The following TUSC3 variants were observed in gnomAD, a reference collection of about 807,000 sequenced individuals.
TUSC3 encodes tumor suppressor candidate 3.
A neutral mutation model predicts 44.8 loss-of-function variants in TUSC3; 45 were observed. The observed-to-expected ratio is 1.00, with a 90% CI of 0.79 to 1.29. TUSC3 has a LOEUF of 1.29. Among genes scored for constraint, TUSC3 ranks in the 50% most tolerant of loss-of-function variants. The pLI, the probability that TUSC3 is intolerant of heterozygous loss-of-function variation, is 0.00. For missense variants in TUSC3, 519 were observed against 437.9 expected (o/e 1.19, Z -1.65); for synonymous variants, 212 against 152.9 (o/e 1.39, Z -2.85).
chr8:15,648,753 A>AAAAAAAAAAAC (rs1169677142), intron 2 of TUSC3, among the ~76,000 whole-genome samples: 1 of 148,072 alleles, frequency 6.8e-6, no homozygotes, highest in African/African-American at 2.5e-5. Flanking sequence ...AAAAAAAAAA[A>AAAAAAAAAAAC]AAAGACATCT....
At chr8:15,495,643 C>CT (rs1173285133) in intron 2 of TUSC3, among the ~76,000 whole-genome samples, 2 of 152,144 alleles carry the variant, frequency 1.3e-5, no homozygotes, top group African/African-American at 2.4e-5. Context: ...GCACAGCTCC[C>CT]TTTGGGGGGC....
chr8:15,473,512 C>T (rs1225167727), intron 1 of TUSC3, among the ~76,000 whole-genome samples: 1 of 152,142 alleles, frequency 6.6e-6, no homozygotes, highest in East Asian at 1.9e-4. Flanking sequence ...ATTGGGGGAA[C>T]CCACCCCCAC....
At chr8:15,637,206 A>G (rs1227647047) in intron 2 of TUSC3, among the ~76,000 whole-genome samples, 3 of 151,638 alleles carry the variant, frequency 2.0e-5, no homozygotes, top group Non-Finnish European at 4.4e-5. Flanking sequence ...CATATGTTTA[A>G]TATTTTAAAA....
chr8:15,514,233 G>T (rs1197981696), intron 2 of TUSC3, among the ~76,000 whole-genome samples: 1 of 152,182 alleles, frequency 6.6e-6, no homozygotes, highest in Non-Finnish European at 1.5e-5. Context: ...TGTATTATGA[G>T]TGAATGATGA....
At chr8:15,426,756 A>T (rs142388436) in intron 1 of TUSC3, among the ~76,000 whole-genome samples, 122 of 152,302 alleles carry the variant, frequency 8.0e-4, no homozygotes, top group African/African-American at 2.8e-3. Flanking sequence ...CAGAAGTGGG[A>T]TTGCTAGATA....
intron 2 of TUSC3, among the ~76,000 whole-genome samples, chr8:15,508,517 A>G (rs1381069356): frequency 8.5e-6 from 1 of 117,046 alleles, no homozygotes; most frequent in Non-Finnish European, 1.6e-5. Flanking sequence ...GCTGGAGTGC[A>G]GTGGCGCCAT....
rs376871161 is a variant in TUSC3, at chr8:15,750,883, T to C, written c.1028+2418T>C. ...TGTAAGAAGTCAGAGATGGAAATTATTTTTTAGAGTGGTTTGTGAATATGA... is the reference window on the plus strand; with the variant it reads ...TGTAAGAAGTCAGAGATGGAAATTACTTTTTAGAGTGGTTTGTGAATATGA... On this transcript the variant is annotated intron_variant, in intron 9 of 10. Coordinates refer to ENST00000503731, the MANE Select transcript of TUSC3 (RefSeq NM_006765.4). Among the ~76,000 whole-genome samples, 11 of 152,144 alleles carry C rather than the reference T, an allele frequency of 7.2e-5. No individual in the cohort carries two copies. The East Asian group carries it at 2.1e-3, about 29-fold the overall frequency.
At chr8:15,694,641 T>C (rs770987795) in intron 6 of TUSC3, among the ~76,000 whole-genome samples, 2 of 152,028 alleles carry the variant, frequency 1.3e-5, no homozygotes, top group African/African-American at 2.4e-5. Flanking sequence ...CTTGGGGCCT[T>C]GATTATGGTA....
At chr8:15,431,749 A>C (rs1191685113) in intron 1 of TUSC3, among the ~76,000 whole-genome samples, 1 of 151,558 alleles carries the variant, frequency 6.6e-6, no homozygotes, top group Non-Finnish European at 1.5e-5. Context: ...TCCTAATATT[A>C]CAGGAAATGA....
At chr8:15,436,709 C>A (rs1449684769) in intron 1 of TUSC3, among the ~76,000 whole-genome samples, 8 of 152,114 alleles carry the variant, frequency 5.3e-5, no homozygotes, top group Admixed American at 5.2e-4. Context: ...AAAAAATACA[C>A]ATTTCATAAG....
chr8:15,442,598 G>T (rs1800035705), intron 1 of TUSC3, among the ~76,000 whole-genome samples: 1 of 152,054 alleles, frequency 6.6e-6, no homozygotes. Context: ...ACTGATAAAT[G>T]CCTTACTCCT....
chr8:15,477,826 A>T lies in TUSC3; in HGVS notation n.92-5560A>T, dbSNP rs1461277058. On this transcript the variant is annotated intron_variant and non_coding_transcript_variant, in intron 1 of 5. Transcript: ENST00000503191. ...TTCTACATGTGATGGTATTGAATAGATTATGTCCTTGCTTTCCTGCTGTTT... is the reference window on the plus strand; with the variant it reads ...TTCTACATGTGATGGTATTGAATAGTTTATGTCCTTGCTTTCCTGCTGTTT... Among the ~76,000 whole-genome samples the T allele has an allele frequency of 2.0e-5, 3 of 152,252 alleles. No homozygotes were observed. The East Asian group carries it at 5.8e-4, about 29-fold the overall frequency.
chr8:15,595,441 G>C (rs1804027212), intron 1 of TUSC3, among the ~76,000 whole-genome samples: 1 of 152,108 alleles, frequency 6.6e-6, no homozygotes, highest in Admixed American at 6.6e-5. Flanking sequence ...TGTGCTGTAG[G>C]CTTGAATCTC....
intron 1 of TUSC3, among the ~76,000 whole-genome samples, chr8:15,453,650 A>C (rs1208872881): frequency 6.6e-6 from 1 of 152,218 alleles, no homozygotes; most frequent in Non-Finnish European, 1.5e-5. Context: ...AACACAACTT[A>C]AATATATTTA....
In TUSC3 at chr8:15,622,954, TTTATC is replaced by T. The variant is rs1459938412; in HGVS notation, c.139-123_139-119del. On this transcript the variant is annotated intron_variant, in intron 1 of 10. Coordinates refer to ENST00000503731, the MANE Select transcript of TUSC3 (RefSeq NM_006765.4). Reference sequence around the variant, plus strand: ...CTTTCTAGGAGCAGAAATATGGTCTTTTATCTTTTCTATAAACTTGGATATCATTA... The same window carrying T: ...CTTTCTAGGAGCAGAAATATGGTCTTTTTTCTATAAACTTGGATATCATTA... 8.3e-5 allele frequency: 84 copies of T among 1,010,306 alleles called. No individual in the cohort carries two copies. In the Middle Eastern group the frequency reaches 9.5e-4, roughly 11 times the overall value. The allele number at this position is 1,010,306 out of a possible 1,614,324, so 62.6% of individuals were successfully genotyped here. A position where few individuals can be genotyped will look rare whatever the true frequency, so the allele number is the denominator to read the frequency against.
chr8:15,550,127 G>C (rs1164749012), intron 1 of TUSC3, among the ~76,000 whole-genome samples: 1 of 151,764 alleles, frequency 6.6e-6, no homozygotes, highest in Non-Finnish European at 1.5e-5. Context: ...TCCATACAAT[G>C]TCTGTAATCA....
At chr8:15,602,987 T>C (rs1804355170) in intron 1 of TUSC3, among the ~76,000 whole-genome samples, 2 of 151,660 alleles carry the variant, frequency 1.3e-5, no homozygotes, top group East Asian at 1.9e-4. Context: ...GAAATAAGAC[T>C]GAGAGAAGTA....
At chr8:15,448,121 T>TATATATA (rs1354912985) in intron 1 of TUSC3, among the ~76,000 whole-genome samples, 10 of 25,868 alleles carry the variant, frequency 3.9e-4, no homozygotes, top group African/African-American at 7.5e-4. Flanking sequence ...ATATATATAT[T>TATATATA]TATTTATTTA....
chr8:15,523,586 G>A (rs543467318), intron 2 of TUSC3, among the ~76,000 whole-genome samples: 77 of 148,132 alleles, frequency 5.2e-4, no homozygotes, highest in Non-Finnish European at 8.0e-4. Context: ...ATGCCTTGCC[G>A]ACTTTCCAAA....
Sources: gnomAD v4.1 joint callset for allele counts (sites outside exome capture counted in the v4.1 genomes callset) on GRCh38, gnomAD v4.1.1 for gene constraint, MANE v1.5 for transcripts, NCBI Gene and HGNC (gene_info 2026-07-23, HGNC 2026-07-21) for gene names.